CENPP: variants seen among roughly 807,000 people sequenced by gnomAD.
CENPP encodes the protein centromere protein P.
In CENPP, 24 loss-of-function variants were observed where a neutral mutation model predicts 35.6. That is an observed-to-expected ratio of 0.67 (90% CI 0.49 to 0.95). The LOEUF is 0.95. Among genes scored for constraint, CENPP ranks in the 40% least tolerant of loss-of-function variants. The pLI, the probability that CENPP is intolerant of heterozygous loss-of-function variation, is 0.00. For synonymous variants in CENPP, 120 were observed against 125.5 expected, an observed-to-expected ratio of 0.96 and a Z score of 0.29; for missense variants, 332 against 345.3, an observed-to-expected ratio of 0.96 and a Z score of 0.31.
rs1321528818 is a variant in CENPP at position 92,510,042 on chromosome 9, A to G, written c.565-101272A>G. On this transcript the variant is annotated intron_variant, in intron 5 of 7. Transcript: ENST00000375587. ...CATTAACTTCTTCAGAAGCTTAAAA[A>G]GCAAATCTCAAAGTTACTTTTTTAT... 1.9e-6 allele frequency: 3 copies of G among 1,586,278 alleles called. No homozygotes were observed. The African/African-American group carries it at 4.1e-5, about 22-fold the overall frequency.
intron 5 of CENPP, among the ~76,000 whole-genome samples, chr9:92,557,873 GA>G (rs1386236588): frequency 1.3e-5 from 2 of 152,106 alleles, no homozygotes; most frequent in East Asian, 1.9e-4. Flanking sequence ...TCGATCTCCT[GA>G]CCTTGTGATC....
intron 5 of CENPP, chr9:92,416,666 A>C: frequency 6.2e-7 from 1 of 1,607,370 alleles, no homozygotes; most frequent in Non-Finnish European, 8.5e-7. Flanking sequence ...ATTTCTTGGA[A>C]TATAGAATGC....
At chr9:92,582,214 C>T (rs539581218) in intron 5 of CENPP, among the ~76,000 whole-genome samples, 7 of 151,978 alleles carry the variant, frequency 4.6e-5, no homozygotes, top group South Asian at 4.1e-4. Context: ...CCACCATGCC[C>T]GGCTAATTTT....
chr9:92,385,641 T>C, intron 5 of CENPP: 1 of 1,614,136 alleles, frequency 6.2e-7, no homozygotes, highest in Non-Finnish European at 8.5e-7. Context: ...ACCCTATCGG[T>C]AATCTTTTTA....
Position 92,599,447 on chromosome 9 carries a change from C to T in CENPP, c.565-11867C>T, listed in dbSNP as rs543413360. 5.9e-5 allele frequency among the ~76,000 whole-genome samples: 9 copies of T among 152,078 alleles called. No individual in the cohort carries two copies. The South Asian group carries it at 1.2e-3, about 21-fold the overall frequency. ...TTTGTTTTTGTTTGAGACAGAGTAT[C>T]CCTCTGTCACCCAGGCTGGAATGCA... On this transcript the variant is annotated intron_variant, in intron 5 of 7. Coordinates refer to ENST00000375587, the MANE Select transcript of CENPP (RefSeq NM_001012267.3).
At chr9:92,565,125 A>C (rs1435554083) in intron 5 of CENPP, among the ~76,000 whole-genome samples, 1 of 151,986 alleles carries the variant, frequency 6.6e-6, no homozygotes, top group Non-Finnish European at 1.5e-5. Flanking sequence ...CAACAATTGC[A>C]TTGGCAGAAT....
chr9:92,407,674 A>T (rs180999209), intron 5 of CENPP, among the ~76,000 whole-genome samples: 1 of 152,054 alleles, frequency 6.6e-6, no homozygotes, highest in Non-Finnish European at 1.5e-5. Context: ...TGGCACGATC[A>T]TGACTCTCTG....
chr9:92,578,921 A>T (rs897250999), intron 5 of CENPP, among the ~76,000 whole-genome samples: 17 of 152,124 alleles, frequency 1.1e-4, no homozygotes, highest in Admixed American at 1.3e-4. Flanking sequence ...TTCTAGGGTT[A>T]TTATGGTTTT....
chr9:92,455,569 A>G (rs1435237709), intron 5 of CENPP, among the ~76,000 whole-genome samples: 1 of 152,046 alleles, frequency 6.6e-6, no homozygotes, highest in Non-Finnish European at 1.5e-5. Context: ...TGTGAAGAAT[A>G]AGACTTTATT....
chr9:92,486,118 C>T (rs1846052179), intron 5 of CENPP, among the ~76,000 whole-genome samples: 1 of 152,100 alleles, frequency 6.6e-6, no homozygotes, highest in Non-Finnish European at 1.5e-5. Context: ...TCAAGGGTGC[C>T]CTCCCTGTCA....
intron 5 of CENPP, among the ~76,000 whole-genome samples, chr9:92,578,227 C>T (rs1194120039): frequency 2.6e-5 from 4 of 151,934 alleles, no homozygotes; most frequent in African/African-American, 4.8e-5. Flanking sequence ...GGTTCCAAGT[C>T]TTTGCTATTG....
chr9:92,535,118 C>G (rs775151466), intron 5 of CENPP, among the ~76,000 whole-genome samples: 1 of 130,028 alleles, frequency 7.7e-6, no homozygotes. Context: ...AATTGACTCA[C>G]TTTTACTTAC....
At chr9:92,346,430 T>G (rs1841296380) in intron 4 of CENPP, among the ~76,000 whole-genome samples, 1 of 152,182 alleles carries the variant, frequency 6.6e-6, no homozygotes, top group South Asian at 2.1e-4. Flanking sequence ...GAGCATGGTG[T>G]CTGTGAGCAA....
intron 5 of CENPP, among the ~76,000 whole-genome samples, chr9:92,393,632 A>T (rs938663758): frequency 1.2e-4 from 18 of 152,246 alleles, no homozygotes; most frequent in African/African-American, 4.3e-4. Context: ...CTAGTTAAGT[A>T]AGGAAGCCAT....
chr9:92,353,145 A>G (rs1588052954), intron 4 of CENPP, among the ~76,000 whole-genome samples: 1 of 152,348 alleles, frequency 6.6e-6, no homozygotes, highest in African/African-American at 2.4e-5. Flanking sequence ...GATAAAGGAA[A>G]AAGGAAATAA....
At position 92,612,529 on chromosome 9, in the gene CENPP, A is replaced by G. The variant is rs1363792125; in HGVS notation, c.651A>G (p.Glu217=). ...GIRSASRPGF[E]LVIVWRIQID... The stretch of plus-strand genomic sequence containing the variant: ...TGTTTTACTGCTTTTTCAGGTTTGA[A>G]TTAGTCATTGTTTGGAGGATACAAA... The change falls in exon 7 of 8, where the codon GAA becomes GAG. Residue 217 remains glutamate, a synonymous_variant. Transcript: ENST00000375587. 6.2e-7 allele frequency: 1 copy of G among 1,613,084 alleles called. No homozygotes were observed. Among genetic ancestry groups the G allele is most frequent in the East Asian group, 2.2e-5 (1 of 44,886 alleles).
chr9:92,594,778 G>C (rs1850736980), intron 5 of CENPP, among the ~76,000 whole-genome samples: 1 of 151,686 alleles, frequency 6.6e-6, no homozygotes, highest in African/African-American at 2.4e-5. Flanking sequence ...AACATAGCAA[G>C]ACCCCATCTC....
intron 3 of CENPP, among the ~76,000 whole-genome samples, chr9:92,343,222 C>G (rs1841175892): frequency 6.6e-6 from 1 of 152,078 alleles, no homozygotes; most frequent in Non-Finnish European, 1.5e-5. Context: ...TCTAGGTCAA[C>G]CCTATTATTT....
chr9:92,424,565 T>A (rs1157132815), intron 5 of CENPP: 3 of 152,246 alleles, frequency 2.0e-5, no homozygotes, highest in Non-Finnish European at 4.4e-5. Context: ...TGAAACAGCA[T>A]GTACTGATTA....
Sources: gnomAD v4.1 joint callset for allele counts (sites outside exome capture counted in the v4.1 genomes callset) on GRCh38, gnomAD v4.1.1 for gene constraint, MANE v1.5 for transcripts, NCBI Gene and HGNC (gene_info 2026-07-23, HGNC 2026-07-21) for gene names.